Variants in GAK observed in about 807,000 individuals in gnomAD.
GAK encodes the protein cyclin G associated kinase, also known as cyclin-G-associated kinase.
In GAK, 79 loss-of-function variants were observed where a neutral mutation model predicts 143.9. That is an observed-to-expected ratio of 0.55 (90% CI 0.46 to 0.66). The LOEUF (loss-of-function observed/expected upper bound fraction) is 0.66, where lower values mean the gene tolerates loss of function less well. Among genes scored for constraint, GAK ranks in the 30% least tolerant of loss-of-function variants. GAK has a pLI of 0.00. For missense variants in GAK, 1,693 were observed against 1,779.7 expected, an observed-to-expected ratio of 0.95 and a Z score of 0.88; for synonymous variants, 881 against 765.5, an observed-to-expected ratio of 1.15 and a Z score of -2.49.
intron 15 of GAK, 143 bp downstream of exon 15, chr4:881,764 C>T: frequency 2.8e-6 from 3 of 1,055,802 alleles, no homozygotes; most frequent in Non-Finnish European, 4.0e-6. Context: ...AGGGCTCAGC[C>T]ATGGCTCCGC....
At chr4:884,326 T>C (rs1031769054) in intron 11 of GAK, 1 of 529,394 alleles carries the variant, frequency 1.9e-6, no homozygotes. Flanking sequence ...GGTGGAGGCA[T>C]GGGTGAGACA....
At position 865,142 on chromosome 4, in the gene GAK, GC is replaced by G; in HGVS notation, c.3145del (p.Ala1049ProfsTer107). On this transcript the variant is annotated frameshift_variant, in exon 23 of 28. Transcript: ENST00000314167. LOFTEE classifies it high-confidence loss of function. ...AWTETAASAV[A>X]PTPATEGPLF... ...CATACCTTCTGTGGCTGGCGTGGGGGCCACTGCCGATGCTGCAGTCTCGGTC... is the reference window on the plus strand; with the variant it reads ...CATACCTTCTGTGGCTGGCGTGGGGGCACTGCCGATGCTGCAGTCTCGGTC... 6.2e-7 allele frequency: 1 copy of G among 1,610,242 alleles called. No homozygotes were observed. The highest frequency in any genetic ancestry group is 8.5e-7 in the Non-Finnish European group (1 of 1,178,310).
rs373177654 is a variant in GAK, at chr4:892,069, G to A, written c.990+1308C>T. On this transcript the variant is annotated intron_variant, in intron 9 of 27. Coordinates refer to ENST00000314167, the MANE Select transcript of GAK (RefSeq NM_005255.4). The stretch of plus-strand genomic sequence containing the variant: ...TGCTCCCAGGTCTCTGTACCCACGC[G>A]GCCCCCAAGGAACTGCAAACCCTCC... 2.0e-3 allele frequency among the ~76,000 whole-genome samples: 310 copies of A among 152,076 alleles called. 12 individuals carry two copies. In the South Asian group the frequency reaches 0.059, roughly 29 times the overall value.
chr4:925,992 C>T (rs926095307), intron 1 of GAK, among the ~76,000 whole-genome samples: 4 of 152,160 alleles, frequency 2.6e-5, no homozygotes, highest in African/African-American at 9.7e-5. Context: ...TCACCTCCCC[C>T]AGTGGTGAGC....
chr4:879,026 T>C (rs555125154), intron 15 of GAK, among the ~76,000 whole-genome samples: 5 of 152,256 alleles, frequency 3.3e-5, no homozygotes, highest in Non-Finnish European at 5.9e-5. Flanking sequence ...AGGAAGCAGA[T>C]TCAGAAATGA....
chr4:899,131 G>C (rs1719369558), intron 5 of GAK, among the ~76,000 whole-genome samples: 1 of 152,232 alleles, frequency 6.6e-6, no homozygotes, highest in South Asian at 2.1e-4. Flanking sequence ...GCCAGCACCA[G>C]GCATCCATGT....
intron 4 of GAK, among the ~76,000 whole-genome samples, chr4:909,149 ACT>A (rs1721590243): frequency 6.6e-6 from 1 of 152,326 alleles, no homozygotes; most frequent in Non-Finnish European, 1.5e-5. Flanking sequence ...GCCTGGCCTA[ACT>A]CTGTGTTATT....
intron 11 of GAK, among the ~76,000 whole-genome samples, chr4:884,900 C>T (rs1025163552): frequency 6.6e-6 from 1 of 152,190 alleles, no homozygotes; most frequent in Non-Finnish European, 1.5e-5. Context: ...GATAAAGGTC[C>T]AGAGAGATGA....
chr4:876,645 G>C (rs771910094), intron 17 of GAK, 36 bp from the exon 18 acceptor site: 1 of 1,585,510 alleles, frequency 6.3e-7, no homozygotes, highest in Admixed American at 1.7e-5. Flanking sequence ...CCACGTGGAG[G>C]GTGAATCCAG....
chr4:875,814 G>C (rs1272349635), intron 18 of GAK, among the ~76,000 whole-genome samples: 1 of 152,230 alleles, frequency 6.6e-6, no homozygotes, highest in African/African-American at 2.4e-5. Context: ...TGGTGGTGCA[G>C]ATCTGTAATC....
chr4:851,363 T>G (rs1317404355), intron 25 of GAK: 6 of 454,538 alleles, frequency 1.3e-5, no homozygotes, highest in African/African-American at 1.2e-4. Flanking sequence ...CCCAAAGTGC[T>G]GGGATTATAG....
At chr4:868,346 T>G (rs1000380603) in intron 20 of GAK, among the ~76,000 whole-genome samples, 193 bp downstream of exon 20, 1 of 152,158 alleles carries the variant, frequency 6.6e-6, no homozygotes, top group African/African-American at 2.4e-5. Context: ...TTTTCACCTT[T>G]AAAAAGATAT....
chr4:900,005 G>A (rs748292806), intron 5 of GAK, among the ~76,000 whole-genome samples: 50 of 152,244 alleles, frequency 3.3e-4, no homozygotes, highest in Non-Finnish European at 7.1e-4. Context: ...AGCGTGGGGC[G>A]AGGCTCCCCT....
intron 13 of GAK, 35 bp downstream of exon 13, chr4:883,280 A>C (rs760336147): frequency 6.2e-7 from 1 of 1,608,234 alleles, no homozygotes; most frequent in Admixed American, 1.7e-5. Flanking sequence ...AGGAAGCTCC[A>C]GAGTGGCACC....
At chr4:871,016 G>T (rs946744719) in intron 18 of GAK, 112 bp from the exon 19 acceptor site, 8 of 965,662 alleles carry the variant, frequency 8.3e-6, no homozygotes, top group Non-Finnish European at 7.5e-6. Context: ...AGGCAGCGGG[G>T]CGAGAACAAC....
intron 12 of GAK, among the ~76,000 whole-genome samples, chr4:883,767 G>A (rs1715656413): frequency 6.6e-6 from 1 of 152,372 alleles, no homozygotes; most frequent in South Asian, 2.1e-4. Flanking sequence ...CAGAGGCCCT[G>A]GTTTTCCACG....
chr4:858,793 G>A (rs1749740218), intron 24 of GAK, among the ~76,000 whole-genome samples: 1 of 152,202 alleles, frequency 6.6e-6, no homozygotes, highest in South Asian at 2.1e-4. Context: ...CCTGCTCACA[G>A]GAATTTGAGG....
chr4:897,910 C>T (rs1250357441), intron 6 of GAK, 123 bp downstream of exon 6: 6 of 1,154,002 alleles, frequency 5.2e-6, no homozygotes, highest in Non-Finnish European at 7.1e-6. Context: ...GATTGCACCA[C>T]TGCACTCCAG....
At chr4:909,634 T>C (rs992212039) in intron 4 of GAK, among the ~76,000 whole-genome samples, 1 of 148,448 alleles carries the variant, frequency 6.7e-6, no homozygotes, top group African/African-American at 2.4e-5. Flanking sequence ...CCAGTGGCCA[T>C]CATGGAATTT....
Sources: gnomAD v4.1 joint callset for allele counts (sites outside exome capture counted in the v4.1 genomes callset) on GRCh38, gnomAD v4.1.1 for gene constraint, MANE v1.5 for transcripts, NCBI Gene and HGNC (gene_info 2026-07-23, HGNC 2026-07-21) for gene names.